The following ERGIC1 variants were observed in gnomAD, a reference collection of about 807,000 sequenced individuals.
ERGIC1 encodes endoplasmic reticulum-golgi intermediate compartment 1.
In ERGIC1, 19 loss-of-function variants were observed where a neutral mutation model predicts 38.3. The observed-to-expected ratio is 0.50, with a 90% CI of 0.35 to 0.73. The LOEUF (loss-of-function observed/expected upper bound fraction) is 0.73. Ranked by LOEUF, ERGIC1 falls within the 30% of genes least tolerant of loss-of-function variation. ERGIC1 has a pLI of 0.01. For missense variants in ERGIC1, 294 were observed against 389.2 expected (o/e 0.76, Z 2.06); for synonymous variants, 124 against 157.6 (o/e 0.79, Z 1.60).
intron 3 of ERGIC1, among the ~76,000 whole-genome samples, chr5:172,898,741 C>G (rs1312216627): frequency 6.6e-6 from 1 of 152,164 alleles, no homozygotes; most frequent in African/African-American, 2.4e-5. Context: ...CCTTCCAGCT[C>G]TGGGAGAGGT....
chr5:172,897,394 A>G (rs938067699), intron 3 of ERGIC1, among the ~76,000 whole-genome samples: 6 of 149,768 alleles, frequency 4.0e-5, no homozygotes, highest in Non-Finnish European at 8.9e-5. Flanking sequence ...GCGCCACTGC[A>G]CTCCAGCCTG....
intron 9 of ERGIC1, among the ~76,000 whole-genome samples, chr5:172,947,911 T>TGG (rs1320515651): frequency 6.9e-6 from 1 of 144,332 alleles, no homozygotes; most frequent in African/African-American, 2.6e-5. Flanking sequence ...TGTGTGTGTG[T>TGG]GGTTATTTTT....
At chr5:172,917,289 A>G (rs1763390310) in intron 5 of ERGIC1, 1 of 152,426 alleles carries the variant, frequency 6.6e-6, no homozygotes, top group African/African-American at 2.4e-5. Flanking sequence ...AGGTGTCTAC[A>G]GGGAGAGGTG....
intron 3 of ERGIC1, among the ~76,000 whole-genome samples, chr5:172,899,998 T>TA (rs1234527591): frequency 6.6e-6 from 1 of 152,198 alleles, no homozygotes; most frequent in Non-Finnish European, 1.5e-5. Context: ...GCACCAGGCA[T>TA]ATAAGTACTC....
At chr5:172,876,235 T>A (rs1762137627) in intron 1 of ERGIC1, among the ~76,000 whole-genome samples, 1 of 152,246 alleles carries the variant, frequency 6.6e-6, no homozygotes, top group Non-Finnish European at 1.5e-5. Flanking sequence ...CGTTGCTGAT[T>A]ATTGTCTAGA....
chr5:172,886,853 C>T (rs1446915865), intron 1 of ERGIC1, among the ~76,000 whole-genome samples: 1 of 152,190 alleles, frequency 6.6e-6, no homozygotes, highest in Non-Finnish European at 1.5e-5. Flanking sequence ...TTACCTCTCA[C>T]ACACCTCTCA....
Position 172,926,808 on chromosome 5 carries a change from A to G in ERGIC1, c.541+239A>G, listed in dbSNP as rs992217038. 5.4e-6 allele frequency: 3 copies of G among 557,578 alleles called. No homozygotes were observed. Among genetic ancestry groups the G allele is most frequent in the Non-Finnish European group, 6.5e-6 (2 of 309,386 alleles). The allele number at this position is 557,578 out of a possible 1,614,324, so 34.5% of individuals were successfully genotyped here. A position where few individuals can be genotyped will look rare whatever the true frequency, so the allele number is the denominator to read the frequency against. On this transcript the variant is annotated intron_variant, in intron 7 of 9. Coordinates refer to ENST00000393784, the MANE Select transcript of ERGIC1 (RefSeq NM_001031711.3). The surrounding 1 kb of genome is among the most constrained non-coding windows in gnomAD (Gnocchi z 5.2). ...CGGGGCACAGCAGACGCACGCACGCAGTGGATACCAGCTATTACCATTATT... is the reference window on the plus strand; with the variant it reads ...CGGGGCACAGCAGACGCACGCACGCGGTGGATACCAGCTATTACCATTATT...
chr5:172,936,361 A>G (rs1307976131), intron 9 of ERGIC1: 2 of 152,328 alleles, frequency 1.3e-5, no homozygotes, highest in Admixed American at 1.3e-4. Flanking sequence ...TAGATAGGAC[A>G]GAGCTCTCAC....
chr5:172,894,609 A>G (rs1762679434), intron 2 of ERGIC1, among the ~76,000 whole-genome samples: 1 of 152,168 alleles, frequency 6.6e-6, no homozygotes, highest in Non-Finnish European at 1.5e-5. Flanking sequence ...CTCGGAGCCT[A>G]AGTTCTTGAG....
chr5:172,857,527 G>A (rs1336262125), intron 1 of ERGIC1, among the ~76,000 whole-genome samples: 1 of 152,094 alleles, frequency 6.6e-6, no homozygotes, highest in Non-Finnish European at 1.5e-5. Context: ...GGGACCTTGG[G>A]CAGGTCCTTC....
In ERGIC1 at chr5:172,920,515, A is replaced by G. The variant is rs1451514928; in HGVS notation, c.376-3490A>G. ...GGGTATGGGGCCTGGCTCCAGCTAT[A>G]TGTTTTTAAAATCCATCAGAGACAC... On this transcript the variant is annotated intron_variant, in intron 5 of 9. Transcript: ENST00000393784. The G allele has an allele frequency of 7.1e-6, 5 of 708,234 alleles. No individual in the cohort carries two copies. The Admixed American group carries it at 8.1e-5, about 11-fold the overall frequency. 43.9% of individuals were successfully genotyped at this position (708,234 alleles called of 1,614,324 possible).
chr5:172,897,833 C>G (rs1462224766), intron 3 of ERGIC1: 4 of 414,066 alleles, frequency 9.7e-6, no homozygotes, highest in African/African-American at 2.1e-5. Context: ...TCCCATTTCT[C>G]AGGCCCACAC....
At chr5:172,878,789 C>T (rs1261694433) in intron 1 of ERGIC1, among the ~76,000 whole-genome samples, 1 of 152,098 alleles carries the variant, frequency 6.6e-6, no homozygotes, top group Non-Finnish European at 1.5e-5. Flanking sequence ...TGCCTTCGTG[C>T]CCCCCAACAC....
intron 3 of ERGIC1, among the ~76,000 whole-genome samples, chr5:172,899,900 T>G (rs1336209910): frequency 6.6e-6 from 1 of 152,264 alleles, no homozygotes. Context: ...GGCTATACTT[T>G]AATATCATAA....
intron 3 of ERGIC1, among the ~76,000 whole-genome samples, chr5:172,901,011 G>A (rs527458791): frequency 6.6e-6 from 1 of 152,294 alleles, no homozygotes; most frequent in South Asian, 2.1e-4. Context: ...GAAGCTTGTG[G>A]CCCCCAGGAA....
intron 2 of ERGIC1, among the ~76,000 whole-genome samples, chr5:172,891,444 G>GT (rs752247325): frequency 0.018 from 2,644 of 144,442 alleles, 27 homozygotes; most frequent in Middle Eastern, 0.029. Flanking sequence ...TATTTAGGCT[G>GT]TTTTTTTTTT....
chr5:172,895,989 TGAGA>T lies in ERGIC1; in HGVS notation c.83-1010_83-1007del, dbSNP rs1398538383. 4.6e-5 allele frequency among the ~76,000 whole-genome samples: 7 copies of T among 152,122 alleles called. No individual in the cohort carries two copies. In the East Asian group the frequency reaches 1.2e-3, roughly 25 times the overall value. On this transcript the variant is annotated intron_variant, in intron 2 of 9. Coordinates refer to ENST00000393784, the MANE Select transcript of ERGIC1 (RefSeq NM_001031711.3). ...CCAGTGTCTTTAGGTGCCAGGCAGA[TGAGA>T]GAAAGACAACAGACATGGCCGACCC... is the stretch of plus-strand genomic sequence containing the variant.
Position 172,846,574 on chromosome 5 carries a change from C to T in ERGIC1, c.20+12141C>T, listed in dbSNP as rs1761285950. ...TTGCAGCTGATCTGGGTCCCCACTC[C>T]ACAGTCTTTGGATTATGCCCTGTGC... On this transcript the variant is annotated intron_variant, in intron 1 of 9. Coordinates refer to ENST00000393784, the MANE Select transcript of ERGIC1 (RefSeq NM_001031711.3). The surrounding 1 kb of genome is among the most constrained non-coding windows in gnomAD (Gnocchi z 4.0). 6.6e-6 allele frequency among the ~76,000 whole-genome samples: 1 copy of T among 152,198 alleles called. No homozygotes were observed. Among genetic ancestry groups the T allele is most frequent in the South Asian group, 2.1e-4 (1 of 4,836 alleles).
intron 3 of ERGIC1, chr5:172,905,264 CTG>C (rs1413168662): frequency 3.4e-6 from 1 of 291,258 alleles, no homozygotes; most frequent in East Asian, 8.0e-5. Flanking sequence ...CCTTAGTTGA[CTG>C]TGTGTTAATC....
Sources: allele counts gnomAD v4.1 joint callset (sites outside exome capture counted in the v4.1 genomes callset), GRCh38; gene constraint gnomAD v4.1.1; non-coding constraint Gnocchi (gnomAD v3.1); transcripts MANE v1.5; gene names NCBI Gene and HGNC (gene_info 2026-07-23, HGNC 2026-07-21).